The following SP140L variants were observed in gnomAD, a reference collection of about 807,000 sequenced individuals.
The protein encoded by SP140L is SP140 like nuclear body protein.
A neutral mutation model predicts 84.3 loss-of-function variants in SP140L; 64 were observed. That is an observed-to-expected ratio of 0.76 (90% CI 0.62 to 0.94). The LOEUF is 0.94. Ranked by LOEUF, SP140L falls within the 40% of genes least tolerant of loss-of-function variation. The probability of loss-of-function intolerance (pLI) is 0.00; values close to 1 mark genes in which losing one functional copy is unlikely to be tolerated. For synonymous variants in SP140L, 242 were observed against 236.9 expected, an observed-to-expected ratio of 1.02 and a Z score of -0.20; for missense variants, 628 against 692.5, an observed-to-expected ratio of 0.91 and a Z score of 1.05.
chr2:230,375,520 C>T (rs1047755383), intron 7 of SP140L, among the ~76,000 whole-genome samples: 1 of 152,114 alleles, frequency 6.6e-6, no homozygotes, highest in African/African-American at 2.4e-5. Context: ...TTACAGCATA[C>T]AGGGGTTCCT....
At chr2:230,396,851 G>A in intron 14 of SP140L, 53 bp downstream of exon 14, 2 of 1,603,752 alleles carry the variant, frequency 1.2e-6, no homozygotes, top group Non-Finnish European at 1.7e-6. Flanking sequence ...TCTTTCTCCA[G>A]GCATATGTTC....
intron 13 of SP140L, 26 bp downstream of exon 13, chr2:230,393,487 A>G (rs1310812420): frequency 6.5e-7 from 1 of 1,550,210 alleles, no homozygotes; most frequent in Non-Finnish European, 8.7e-7. Flanking sequence ...TTTTCTACAG[A>G]TTCTTGTCAC....
chr2:230,376,925 A>G (rs968131584), intron 7 of SP140L, among the ~76,000 whole-genome samples: 2 of 152,202 alleles, frequency 1.3e-5, no homozygotes, highest in Admixed American at 6.5e-5. Context: ...TGTATGTTCA[A>G]GTAATCTTTG....
chr2:230,334,003 T>A (rs2059797914), intron 2 of SP140L, among the ~76,000 whole-genome samples: 1 of 152,220 alleles, frequency 6.6e-6, no homozygotes, highest in South Asian at 2.1e-4. Flanking sequence ...TCCTTCCAGG[T>A]TTCTTTCGCA....
intron 2 of SP140L, among the ~76,000 whole-genome samples, chr2:230,352,726 C>T (rs1485753487): frequency 6.6e-6 from 1 of 151,916 alleles, no homozygotes; most frequent in African/African-American, 2.4e-5. Context: ...ATTACTGTAC[C>T]TTATTTTAGT....
chr2:230,340,956 G>A (rs1378986456), intron 2 of SP140L, among the ~76,000 whole-genome samples: 1 of 142,316 alleles, frequency 7.0e-6, no homozygotes, highest in East Asian at 2.1e-4. Flanking sequence ...TGGTGAATCT[G>A]ACAATTATGT....
chr2:230,395,240 A>C (rs1420958584), intron 13 of SP140L, among the ~76,000 whole-genome samples: 1 of 152,176 alleles, frequency 6.6e-6, no homozygotes, highest in East Asian at 1.9e-4. Flanking sequence ...TATACTTATC[A>C]AGCATATACT....
At chr2:230,364,732 A>G (rs1012369231) in intron 5 of SP140L, among the ~76,000 whole-genome samples, 5 of 152,226 alleles carry the variant, frequency 3.3e-5, no homozygotes, top group Admixed American at 1.3e-4. Flanking sequence ...CTTAGAGGGA[A>G]AACTTTCAAC....
In SP140L at chr2:230,401,029, T is replaced by G; in HGVS notation, c.1388T>G (p.Val463Gly). 6.9e-7 allele frequency: 1 copy of G among 1,445,126 alleles called. No individual in the cohort carries two copies. The highest frequency in any genetic ancestry group is 9.5e-7 in the Non-Finnish European group (1 of 1,057,546). The allele number at this position is 1,445,126 out of a possible 1,614,324, so 89.5% of individuals were successfully genotyped here. ...GSQQCCQESE[V>G]LERQMCPEEQ... ...CAACAGTGTTGTCAGGAATCTGAGG[T>G]CCTGGAGAGGCAGATGTGTCCTGAG... Residue 463 changes from valine (V) to glycine (G), a missense_variant, in exon 16 of 19, where the codon GTC becomes GGC. Around this residue, in one of 4 missense-constraint regions of SP140L, gnomAD observed 52 missense variants for 87.0 expected, o/e 0.60. Coordinates refer to ENST00000415673, the MANE Select transcript of SP140L (RefSeq NM_138402.6).
At position 230,357,969 on chromosome 2, in the gene SP140L, T is replaced by C; in HGVS notation, c.270+2T>C. The stretch of plus-strand genomic sequence containing the variant: ...CTCATCACAAATAAAATGTTTGAAG[T>C]AAGTAAAGTTTATTTCACAACCTGG... On this transcript the variant is annotated splice_donor_variant, in intron 3 of 18. Coordinates refer to ENST00000415673, the MANE Select transcript of SP140L (RefSeq NM_138402.6). LOFTEE classifies it high-confidence loss of function. 6.2e-7 allele frequency: 1 copy of C among 1,612,528 alleles called. No individual in the cohort carries two copies. Among genetic ancestry groups the C allele is most frequent in the Middle Eastern group, 1.7e-4 (1 of 6,058 alleles).
At chr2:230,349,474 T>C (rs1236604592) in intron 2 of SP140L, among the ~76,000 whole-genome samples, 1 of 152,222 alleles carries the variant, frequency 6.6e-6, no homozygotes, top group Non-Finnish European at 1.5e-5. Context: ...AGGTTAAATA[T>C]ATTGAGTCTT....
intron 14 of SP140L, 103 bp from the exon 15 acceptor site, chr2:230,400,024 T>C: frequency 8.3e-7 from 1 of 1,210,252 alleles, no homozygotes; most frequent in Non-Finnish European, 1.2e-6. Flanking sequence ...CATATGCCTG[T>C]CTATACAGGC....
chr2:230,330,061 A>G (rs1179424087), intron 2 of SP140L, among the ~76,000 whole-genome samples: 1 of 152,090 alleles, frequency 6.6e-6, no homozygotes, highest in Non-Finnish European at 1.5e-5. Flanking sequence ...CTTGTGTTCC[A>G]TGTGCCTGCT....
chr2:230,361,660 G>A lies in SP140L; in HGVS notation c.486G>A (p.Arg162=), dbSNP rs2149740504. The A allele has an allele frequency of 6.4e-7, 1 of 1,563,490 alleles. No homozygotes were observed. Among genetic ancestry groups the A allele is most frequent in the Non-Finnish European group, 8.7e-7 (1 of 1,152,780 alleles). Reference sequence around the variant, plus strand: ...TCCAAGAAAGTGATCGAAAAGAAAGGGAAGAGAGGCCTGACATCAAACTAA... The same window carrying A: ...TCCAAGAAAGTGATCGAAAAGAAAGAGAAGAGAGGCCTGACATCAAACTAA... ...LSFQESDRKE[R]EERPDIKLSL... The change falls in exon 5 of 19, where the codon AGG becomes AGA. Residue 162 remains arginine (R), a synonymous_variant. Coordinates refer to ENST00000415673, the MANE Select transcript of SP140L (RefSeq NM_138402.6).
chr2:230,386,294 T>G (rs1245097468), intron 9 of SP140L, among the ~76,000 whole-genome samples: 1 of 152,044 alleles, frequency 6.6e-6, no homozygotes, highest in Non-Finnish European at 1.5e-5. Flanking sequence ...CCAGTGAAAC[T>G]CTCATGTCCT....
chr2:230,388,183 G>A (rs992447763), intron 9 of SP140L, among the ~76,000 whole-genome samples: 1 of 152,066 alleles, frequency 6.6e-6, no homozygotes, highest in African/African-American at 2.4e-5. Context: ...ATTAGTGGAT[G>A]TGTGTTTAAC....
rs548297772 is a variant in SP140L, at chr2:230,351,103, G to T, written c.108-6702G>T. ...TTCTTGTTTCTATAGGATACATGTT[G>T]ATCTTTTTATTTATATAGGGTAGAT... is the stretch of plus-strand genomic sequence containing the variant. On this transcript the variant is annotated intron_variant, in intron 2 of 18. Coordinates refer to ENST00000415673, the MANE Select transcript of SP140L (RefSeq NM_138402.6). Among the ~76,000 whole-genome samples, 6 of 152,260 alleles carry T rather than the reference G, an allele frequency of 3.9e-5. No homozygotes were observed. In the South Asian group the frequency reaches 1.2e-3, roughly 32 times the overall value.
chr2:230,402,715 A>G, intron 18 of SP140L, 83 bp from the exon 19 acceptor site: 1 of 1,040,052 alleles, frequency 9.6e-7, no homozygotes, highest in Non-Finnish European at 1.4e-6. Flanking sequence ...TAAAGACAAG[A>G]GTCCTGATCA....
At chr2:230,362,205 GC>G (rs1254793202) in intron 5 of SP140L, among the ~76,000 whole-genome samples, 5 of 152,260 alleles carry the variant, frequency 3.3e-5, no homozygotes, top group African/African-American at 1.2e-4. Flanking sequence ...ATCCTTAAGG[GC>G]TTTCCAAAAG....
Sources: gnomAD v4.1 joint callset for allele counts (sites outside exome capture counted in the v4.1 genomes callset) on GRCh38, gnomAD v4.1.1 for gene constraint, gnomAD v4.1.1 regional missense constraint, MANE v1.5 for transcripts, NCBI Gene and HGNC (gene_info 2026-07-23, HGNC 2026-07-21) for gene names.